The following CACNA1A variants were observed in gnomAD, a reference collection of about 807,000 sequenced individuals.
The protein encoded by CACNA1A is calcium voltage-gated channel subunit alpha1 A, also known as voltage-dependent P/Q-type calcium channel subunit alpha-1A.
CACNA1A carries 57 observed loss-of-function variants against 262.4 expected under a neutral mutation model. The observed-to-expected ratio is 0.22, with a 90% confidence interval of 0.18 to 0.27. CACNA1A has a LOEUF of 0.27. Among genes scored for constraint, CACNA1A ranks in the 10% least tolerant of loss-of-function variants. The pLI, the probability that CACNA1A is intolerant of heterozygous loss-of-function variation, is 1.00. For missense variants in CACNA1A, 2,526 were observed against 3,562.8 expected (o/e 0.71, Z 7.41); for synonymous variants, 1,431 against 1,419.3 (o/e 1.01, Z -0.18).
chr19:13,306,059 C>CAAAA lies in CACNA1A; in HGVS notation c.1986+1719_1986+1722dup, dbSNP rs34439709. ...TGGGCAACAGAGCGAGACTCCATCT[C>CAAAA]AAAAAAAAAAAAAAAATCGCTTATG... On this transcript the variant is annotated intron_variant, in intron 15 of 46. Transcript: ENST00000360228. Among the ~76,000 whole-genome samples the CAAAA allele has an allele frequency of 4.4e-4, 61 of 139,872 alleles. 1 individual carries two copies. In the East Asian group the frequency reaches 4.5e-3, roughly 10 times the overall value. 91.8% of individuals were successfully genotyped at this position (139,872 alleles called of 152,430 possible).
chr19:13,245,313 C>G (rs1361406576), intron 30 of CACNA1A, 48 bp from the exon 31 acceptor site: 1 of 1,511,770 alleles, frequency 6.6e-7, no homozygotes, highest in Non-Finnish European at 9.2e-7. Context: ...GGGCTTGGTT[C>G]CCGGCCCCCT....
intron 6 of CACNA1A, among the ~76,000 whole-genome samples, chr19:13,354,869 C>CTTT (rs56350383): frequency 1.2e-4 from 14 of 115,072 alleles, no homozygotes; most frequent in South Asian, 2.9e-4. Context: ...TTTTCTTTTT[C>CTTT]TTTTTTTTTT....
At chr19:13,432,416 AAAATAAATAAATAAAT>A (rs201856945) in intron 3 of CACNA1A, among the ~76,000 whole-genome samples, 1 of 144,848 alleles carries the variant, frequency 6.9e-6, no homozygotes, top group Non-Finnish European at 1.5e-5. Context: ...CTCCATCTCA[AAAATAAATAAATAAAT>A]AAATAAATAA....
chr19:13,294,487 C>CTTTTTTTTT lies in CACNA1A; in HGVS notation c.3089+4048_3089+4056dup, dbSNP rs780908964. Among the ~76,000 whole-genome samples the CTTTTTTTTT allele has an allele frequency of 1.8e-4, 13 of 72,526 alleles. 1 individual carries two copies. Among genetic ancestry groups the CTTTTTTTTT allele is most frequent in the African/African-American group, 7.2e-4 (11 of 15,310 alleles). 47.6% of individuals were successfully genotyped at this position (72,526 alleles called of 152,430 possible). ...TACAGGTGCATACCACTGTACCTGG[C>CTTTTTTTTT]TTTTTTTTTTTTTTTTTTTTTTTGA... On this transcript the variant is annotated intron_variant, in intron 19 of 46. Coordinates refer to ENST00000360228, the MANE Select transcript of CACNA1A (RefSeq NM_001127222.2).
At chr19:13,357,134 AT>A (rs2145234460) in intron 6 of CACNA1A, among the ~76,000 whole-genome samples, 1 of 152,258 alleles carries the variant, frequency 6.6e-6, no homozygotes, top group African/African-American at 2.4e-5. Flanking sequence ...GCCTTTGTTG[AT>A]CAGGATTACA....
At chr19:13,218,934 A>G (rs1340739386) in intron 38 of CACNA1A, among the ~76,000 whole-genome samples, 1 of 151,824 alleles carries the variant, frequency 6.6e-6, no homozygotes, top group East Asian at 1.9e-4. Flanking sequence ...GGGTTTCGCC[A>G]TGTTGGCCAG....
At position 13,308,157 on chromosome 19, in the gene CACNA1A, C is replaced by T. The variant is rs1346036017; in HGVS notation, c.1876G>A (p.Val626Ile). The stretch of plus-strand genomic sequence containing the variant: ...AGTTGCATTCCCAAAAGGGCGAAGA[C>T]GACAATGAACAGGAAAAGGAGAAAC... ...LLFLLFLFIV[V>I]FALLGMQLFG... The change falls in exon 14 of 47, where the codon GTC (valine) becomes ATC (isoleucine). Residue 626 changes from valine to isoleucine, a missense_variant. Val to Ile is a conservative substitution (Grantham distance 29, BLOSUM62 3). Transcript: ENST00000360228. The surrounding 1 kb of genome is among the most constrained non-coding windows in gnomAD (Gnocchi z 4.2). The T allele has an allele frequency of 4.3e-6, 7 of 1,613,786 alleles. No homozygotes were observed. The highest frequency in any genetic ancestry group is 3.3e-5 in the South Asian group (3 of 91,074).
At chr19:13,390,401 T>G (rs564667281) in intron 3 of CACNA1A, among the ~76,000 whole-genome samples, 1 of 152,128 alleles carries the variant, frequency 6.6e-6, no homozygotes, top group South Asian at 2.1e-4. Flanking sequence ...TGTGAGCCAC[T>G]GCACCCAGAC....
chr19:13,343,203 C>T (rs1416647421), intron 6 of CACNA1A, among the ~76,000 whole-genome samples: 1 of 151,850 alleles, frequency 6.6e-6, no homozygotes, highest in Non-Finnish European at 1.5e-5. Context: ...CTCACTGCAA[C>T]CTCCACCTCC....
chr19:13,235,079 A>T, intron 33 of CACNA1A, 43 bp from the exon 34 acceptor site: 1 of 1,558,354 alleles, frequency 6.4e-7, no homozygotes. Context: ...CCATTCCTCC[A>T]GTGGCTTCTG....
chr19:13,392,778 A>G (rs2059731661), intron 3 of CACNA1A, among the ~76,000 whole-genome samples: 2 of 150,784 alleles, frequency 1.3e-5, no homozygotes, highest in African/African-American at 4.9e-5. Context: ...AGTTTCATGT[A>G]TTCTGCCACC....
At chr19:13,418,756 C>T (rs191785485) in intron 3 of CACNA1A, among the ~76,000 whole-genome samples, 194 of 152,142 alleles carry the variant, frequency 1.3e-3, no homozygotes, top group Non-Finnish European at 2.0e-3. Flanking sequence ...TGTTTGAAGC[C>T]GTGTGGTTTA....
chr19:13,267,000 C>T (rs559716099), intron 24 of CACNA1A, among the ~76,000 whole-genome samples: 1 of 152,306 alleles, frequency 6.6e-6, no homozygotes, highest in African/African-American at 2.4e-5. Flanking sequence ...CTTTGGGATG[C>T]CTCCTTCGCA....
At chr19:13,224,501 A>G (rs984551331) in intron 38 of CACNA1A, among the ~76,000 whole-genome samples, 166 bp downstream of exon 38, 2 of 151,676 alleles carry the variant, frequency 1.3e-5, no homozygotes, top group Non-Finnish European at 2.9e-5. Context: ...AAAAAAAAAA[A>G]AAAACACCAA....
intron 1 of CACNA1A, among the ~76,000 whole-genome samples, chr19:13,483,788 A>G (rs975780485): frequency 2.2e-4 from 34 of 152,164 alleles, no homozygotes; most frequent in Admixed American, 2.0e-3. Flanking sequence ...TCATGAGCCA[A>G]TACAATCCCC....
chr19:13,373,791 T>A (rs2059362527), intron 3 of CACNA1A, among the ~76,000 whole-genome samples: 4 of 152,230 alleles, frequency 2.6e-5, no homozygotes, highest in Admixed American at 2.6e-4. Context: ...GGCTGACCTT[T>A]TCCACCATCC....
intron 3 of CACNA1A, among the ~76,000 whole-genome samples, chr19:13,402,321 A>G (rs1036606711): frequency 1.3e-5 from 2 of 152,190 alleles, no homozygotes; most frequent in African/African-American, 4.8e-5. Context: ...ATGACCACTC[A>G]GCATCTCAGG....
intron 24 of CACNA1A, among the ~76,000 whole-genome samples, chr19:13,270,493 G>A (rs760789769): frequency 3.9e-5 from 6 of 152,054 alleles, no homozygotes; most frequent in Non-Finnish European, 7.4e-5. Flanking sequence ...CCAACTATCC[G>A]ATAACAAGGA....
intron 21 of CACNA1A, 35 bp from the exon 22 acceptor site, chr19:13,283,431 C>G (rs375399333): frequency 2.0e-5 from 33 of 1,613,006 alleles, no homozygotes; most frequent in Non-Finnish European, 2.7e-5. Flanking sequence ...GAGGTCCACT[C>G]AGACCACAGG....
Sources: allele counts gnomAD v4.1 joint callset (sites outside exome capture counted in the v4.1 genomes callset), GRCh38; gene constraint gnomAD v4.1.1; non-coding constraint Gnocchi (gnomAD v3.1); transcripts MANE v1.5; gene names NCBI Gene and HGNC (gene_info 2026-07-23, HGNC 2026-07-21).